The following HIRA variants were observed in gnomAD, a reference collection of about 807,000 sequenced individuals.
The protein encoded by HIRA is histone cell cycle regulator, also known as protein HIRA.
A neutral mutation model predicts 126.6 loss-of-function variants in HIRA; 13 were observed. The ratio of observed to expected loss-of-function variants is 0.10; its 90% CI spans 0.07 to 0.16. The LOEUF is 0.16. HIRA is among the 10% of genes least tolerant of loss of function. HIRA has a pLI of 1.00. For missense variants in HIRA, 834 were observed against 1,314.4 expected (o/e 0.63, Z 5.65); for synonymous variants, 511 against 520.0 (o/e 0.98, Z 0.24).
At position 19,431,642 on chromosome 22, in the gene HIRA, G is replaced by A; in HGVS notation, c.-166C>T. 5.1e-6 allele frequency: 3 copies of A among 591,610 alleles called. No homozygotes were observed. Among genetic ancestry groups the A allele is most frequent in the Non-Finnish European group, 6.7e-6 (3 of 445,624 alleles). The allele number at this position is 591,610 out of a possible 1,614,324, so 36.6% of individuals were successfully genotyped here. On this transcript the variant is annotated 5_prime_UTR_variant, in exon 1 of 25. Transcript: ENST00000263208. ...CCATCGCCGGCCCGCGCCCCCCTCC[G>A]CCGCCACAGCCGCCACCCGCGCTCG...
At chr22:19,417,500 T>C (rs1482159864) in intron 1 of HIRA, among the ~76,000 whole-genome samples, 2 of 152,022 alleles carry the variant, frequency 1.3e-5, no homozygotes, top group African/African-American at 4.8e-5. Context: ...CGTGTGCCTG[T>C]AGTCCCAGCT....
intron 15 of HIRA, among the ~76,000 whole-genome samples, chr22:19,364,023 G>A (rs1008630669): frequency 1.2e-4 from 18 of 152,258 alleles, no homozygotes; most frequent in East Asian, 9.6e-4. Context: ...TTTGGGTGAC[G>A]GTGTGCCCCA....
Position 19,375,753 on chromosome 22 carries a change from A to T in HIRA, c.1653T>A (p.Ser551=), listed in dbSNP as rs145419073. 1.9e-6 allele frequency: 3 copies of T among 1,614,170 alleles called. No individual in the cohort carries two copies. Among genetic ancestry groups the T allele is most frequent in the Admixed American group, 1.7e-5 (1 of 60,020 alleles). ...ATSTPAALSP[S]VLTTPSKIEP... ...CGATCTTGGACGGGGTCGTTAACAC[A>T]GAAGGTGACAATGCAGCAGGAGTAG... Residue 551 remains serine, a synonymous_variant, in exon 15 of 25, where the codon TCT becomes TCA. Transcript: ENST00000263208.
chr22:19,377,996 G>A lies in HIRA; in HGVS notation c.1486C>T (p.His496Tyr), dbSNP rs779199939. Reference sequence around the variant, plus strand: ...AGTGGCAGTAGCTGTGGACTGCTATGAGAAGAGAGCATGGTGCCCGCCAGG... The same window carrying A: ...AGTGGCAGTAGCTGTGGACTGCTATAAGAAGAGAGCATGGTGCCCGCCAGG... Reference protein sequence around the residue: ...GSLAGTMLSSHSSPQLLPLDS... With the variant: ...GSLAGTMLSSYSSPQLLPLDS... The change falls in exon 14 of 25, where the codon CAT becomes TAT. Residue 496 changes from histidine to tyrosine, a missense_variant. This residue lies in a region of HIRA where 468 missense variants were observed against 574.2 expected (regional missense o/e 0.82). Transcript: ENST00000263208. 1 of 1,612,950 alleles carries A rather than the reference G, an allele frequency of 6.2e-7. No individual in the cohort carries two copies. Among genetic ancestry groups the A allele is most frequent in the South Asian group, 1.1e-5 (1 of 90,814 alleles).
chr22:19,384,559 C>T (rs1250281576), intron 12 of HIRA, among the ~76,000 whole-genome samples: 2 of 152,012 alleles, frequency 1.3e-5, no homozygotes, highest in South Asian at 2.1e-4. Flanking sequence ...CCACACTGGC[C>T]GCCTCGCACA....
intron 15 of HIRA, 146 bp from the exon 16 acceptor site, chr22:19,362,077 A>C (rs1373632163): frequency 2.8e-6 from 2 of 716,552 alleles, no homozygotes. Flanking sequence ...GTAAAGGAGA[A>C]ATAATGACTT....
intron 15 of HIRA, among the ~76,000 whole-genome samples, chr22:19,369,907 C>T (rs184971906): frequency 1.1e-3 from 168 of 152,280 alleles, no homozygotes; most frequent in African/African-American, 3.6e-3. Flanking sequence ...CCAGCCTGGG[C>T]GACACAGCGA....
Position 19,351,311 on chromosome 22 carries a change from A to G in HIRA, c.2937+47T>C. On this transcript the variant is annotated intron_variant, in intron 24 of 24. Coordinates refer to ENST00000263208, the MANE Select transcript of HIRA (RefSeq NM_003325.4). This position sits in a 1 kb window ranked among gnomAD's most constrained non-coding sequence, Gnocchi z 4.8. ...GCTTATTTAAAAAATCTCCACCTTC[A>G]TGTTTCAAGAAAGAATTCTTGCAGC... is the stretch of plus-strand genomic sequence containing the variant. 2 of 1,575,532 alleles carry G rather than the reference A, an allele frequency of 1.3e-6. No homozygotes were observed. The highest frequency in any genetic ancestry group is 2.0e-5 in the Admixed American group (1 of 50,268).
chr22:19,407,110 G>A (rs1433526790), intron 4 of HIRA, 74 bp downstream of exon 4: 2 of 1,218,052 alleles, frequency 1.6e-6, no homozygotes, highest in East Asian at 2.3e-5. Flanking sequence ...ACAGGGTAGG[G>A]AAAGGTGACT....
intron 9 of HIRA, among the ~76,000 whole-genome samples, chr22:19,390,600 T>TTAAAAAAAAA: frequency 2.3e-4 from 1 of 4,266 alleles, no homozygotes; most frequent in East Asian, 5.1e-3. Flanking sequence ...AGACTCTGTC[T>TTAAAAAAAAA]CAAAAAAAAA....
intron 1 of HIRA, among the ~76,000 whole-genome samples, chr22:19,425,733 CA>C (rs1436419909): frequency 6.6e-6 from 1 of 152,138 alleles, no homozygotes; most frequent in African/African-American, 2.4e-5. Context: ...CCTGTAATAC[CA>C]GCACTTTGGG....
At chr22:19,390,627 A>AAAAAAAAAAAG (rs61174807) in intron 9 of HIRA, among the ~76,000 whole-genome samples, 2 of 149,070 alleles carry the variant, frequency 1.3e-5, no homozygotes, top group Non-Finnish European at 3.0e-5. Flanking sequence ...AAAAAAAAAA[A>AAAAAAAAAAAG]GAAGCTGAAG....
chr22:19,414,174 A>G (rs2089376652), intron 1 of HIRA, among the ~76,000 whole-genome samples: 3 of 152,174 alleles, frequency 2.0e-5, no homozygotes, highest in African/African-American at 7.2e-5. Flanking sequence ...TGCACACCCA[A>G]TACACAGCCA....
intron 23 of HIRA, among the ~76,000 whole-genome samples, chr22:19,352,485 G>A (rs2088768587): frequency 6.6e-6 from 1 of 152,012 alleles, no homozygotes; most frequent in Non-Finnish European, 1.5e-5. Flanking sequence ...ATTCATCATC[G>A]TGGTCTGCAG....
Position 19,424,618 on chromosome 22 carries a change from G to A in HIRA, c.37+6822C>T, listed in dbSNP as rs371518365. 1.2e-4 allele frequency among the ~76,000 whole-genome samples: 19 copies of A among 152,262 alleles called. No homozygotes were observed. The East Asian group carries it at 1.4e-3, about 11-fold the overall frequency. On this transcript the variant is annotated intron_variant, in intron 1 of 24. Coordinates refer to ENST00000263208, the MANE Select transcript of HIRA (RefSeq NM_003325.4). Reference sequence around the variant, plus strand: ...GGCCTGAAGCTCTCCAGGACGGAGTGGCCAGCCTCAGCACAAAGACCAGTG... The same window carrying A: ...GGCCTGAAGCTCTCCAGGACGGAGTAGCCAGCCTCAGCACAAAGACCAGTG...
At chr22:19,420,416 T>TGATCACGC (rs2089435137) in intron 1 of HIRA, among the ~76,000 whole-genome samples, 1 of 133,124 alleles carries the variant, frequency 7.5e-6, no homozygotes, top group Non-Finnish European at 1.5e-5. Flanking sequence ...CAGTGAGCCG[T>TGATCACGC]GATCACGCCA....
intron 5 of HIRA, among the ~76,000 whole-genome samples, chr22:19,402,373 A>C (rs1319071555): frequency 6.6e-6 from 1 of 152,256 alleles, no homozygotes; most frequent in Non-Finnish European, 1.5e-5. Context: ...TTTAAGTCTT[A>C]CAAAACTAAT....
rs2089540916 is a variant in HIRA, at chr22:19,431,645, G to A, written c.-169C>T. The A allele has an allele frequency of 3.3e-6, 2 of 610,160 alleles. No homozygotes were observed. Among genetic ancestry groups the A allele is most frequent in the Non-Finnish European group, 4.4e-6 (2 of 459,388 alleles). The allele number at this position is 610,160 out of a possible 1,614,324, so 37.8% of individuals were successfully genotyped here. A position where few individuals can be genotyped will look rare whatever the true frequency, so the allele number is the denominator to read the frequency against. On this transcript the variant is annotated 5_prime_UTR_variant, in exon 1 of 25. Transcript: ENST00000263208. ...TCGCCGGCCCGCGCCCCCCTCCGCC[G>A]CCACAGCCGCCACCCGCGCTCGGCC...
rs115850923 is a variant in HIRA at position 19,360,210 on chromosome 22, C to A, written c.2086-726G>T. Among the ~76,000 whole-genome samples the A allele has an allele frequency of 2.2e-3, 342 of 152,138 alleles. 1 individual carries two copies. The highest frequency in any genetic ancestry group is 7.9e-3 in the African/African-American group (329 of 41,518). ...GAGCTGGGCCGAGGGCTGACTGCCC[C>A]CTTCACAGACCCAGAAATGACAGTC... On this transcript the variant is annotated intron_variant, in intron 17 of 24. Coordinates refer to ENST00000263208, the MANE Select transcript of HIRA (RefSeq NM_003325.4).
Sources: gnomAD v4.1 joint callset for allele counts (sites outside exome capture counted in the v4.1 genomes callset) on GRCh38, gnomAD v4.1.1 for gene constraint, gnomAD v4.1.1 regional missense constraint, Gnocchi (gnomAD v3.1) non-coding constraint, MANE v1.5 for transcripts, NCBI Gene and HGNC (gene_info 2026-07-23, HGNC 2026-07-21) for gene names.